The following DMD variants were observed in gnomAD, a reference collection of about 807,000 sequenced individuals.
DMD encodes the protein dystrophin.
A neutral mutation model predicts 330.1 loss-of-function variants in DMD; 63 were observed. The observed-to-expected ratio is 0.19, with a 90% CI of 0.16 to 0.24. The LOEUF is 0.24. Among genes scored for constraint, DMD ranks in the 10% least tolerant of loss-of-function variants. The pLI, the probability that DMD is intolerant of heterozygous loss-of-function variation, is 1.00. For synonymous variants in DMD, 1,223 were observed against 959.8 expected (o/e 1.27, Z -5.07); for missense variants, 3,344 against 2,684.1 (o/e 1.25, Z -5.43).
chrX:32,308,873 T>C (rs2097550395), intron 42 of DMD, among the ~76,000 whole-genome samples: 1 of 111,238 alleles, frequency 9.0e-6, no homozygotes, highest in African/African-American at 3.3e-5. Context: ...ACTTATTGAA[T>C]GACAATGATG....
rs556917557 is a variant in DMD at position 32,538,210 on chromosome X, T to G, written c.2168+6949A>C. 7.1e-5 allele frequency among the ~76,000 whole-genome samples: 8 copies of G among 112,402 alleles called. No homozygotes were observed. In the South Asian group the frequency reaches 3.0e-3, roughly 42 times the overall value. On this transcript the variant is annotated intron_variant, in intron 17 of 78. Coordinates refer to ENST00000357033, the MANE Select transcript of DMD (RefSeq NM_004006.3). Reference sequence around the variant, plus strand: ...CATCCTTTCCCCTATGACCTGCACCTTTACGTCCAGATGGCCTGAAGCAAC... The same window carrying G: ...CATCCTTTCCCCTATGACCTGCACCGTTACGTCCAGATGGCCTGAAGCAAC...
rs1187868218 is a variant in DMD at position 31,263,253 on chromosome X, A to G, written c.9225-2237T>C. On this transcript the variant is annotated intron_variant, in intron 62 of 78. Transcript: ENST00000357033. ...GGAATGGACTTCAAATTAGAGGAAC[A>G]TAGGCAAGAAATAAACCTGTACCAA... Among the ~76,000 whole-genome samples, 2 of 112,336 alleles carry G rather than the reference A, an allele frequency of 1.8e-5. 1 individual carries two copies. The highest frequency in any genetic ancestry group is 5.5e-4 in the East Asian group (2 of 3,605).
intron 1 of DMD, among the ~76,000 whole-genome samples, chrX:33,338,659 A>G (rs1180342331): frequency 9.0e-6 from 1 of 111,163 alleles, no homozygotes; most frequent in Non-Finnish European, 1.9e-5. Context: ...ATACAGTTCA[A>G]TAGCTGAAAC....
At chrX:32,155,650 C>G (rs745512584) in intron 44 of DMD, among the ~76,000 whole-genome samples, 125 of 111,436 alleles carry the variant, frequency 1.1e-3, no homozygotes, top group African/African-American at 4.0e-3. Flanking sequence ...GCATGTTTGT[C>G]TACAAAAAGA....
intron 1 of DMD, among the ~76,000 whole-genome samples, chrX:33,300,983 T>C (rs1336648324): frequency 1.8e-5 from 2 of 111,838 alleles, no homozygotes; most frequent in Admixed American, 1.9e-4. Flanking sequence ...TCAGGGACAA[T>C]GTATTTCTTA....
intron 52 of DMD, among the ~76,000 whole-genome samples, chrX:31,712,291 C>G (rs960661219): frequency 9.0e-6 from 1 of 111,046 alleles, no homozygotes; most frequent in Non-Finnish European, 1.9e-5. Flanking sequence ...TGTCAACCTA[C>G]TAAGTTATAG....
chrX:32,502,897 A>G (rs770992652), intron 18 of DMD, among the ~76,000 whole-genome samples: 207 of 111,709 alleles, frequency 1.9e-3, no homozygotes, highest in Non-Finnish European at 3.3e-3. Flanking sequence ...GATGGAAATG[A>G]TCTGTATCTG....
intron 40 of DMD, 158 bp downstream of exon 40, chrX:32,342,976 A>G (rs1252257558): frequency 1.8e-5 from 10 of 544,231 alleles, no homozygotes; most frequent in African/African-American, 4.6e-5. Flanking sequence ...AACACTTAAT[A>G]CAATACATTT....
At chrX:32,457,473 G>A (rs1439623845) in intron 25 of DMD, among the ~76,000 whole-genome samples, 1 of 110,859 alleles carries the variant, frequency 9.0e-6, no homozygotes, top group Non-Finnish European at 1.9e-5. Context: ...GATGTAGCGT[G>A]GAGAAGATGT....
intron 47 of DMD, among the ~76,000 whole-genome samples, chrX:31,889,274 G>A (rs1211269828): frequency 9.0e-6 from 1 of 111,463 alleles, no homozygotes; most frequent in Non-Finnish European, 1.9e-5. Flanking sequence ...TAATTTATTT[G>A]TTTGCAGTAT....
intron 13 of DMD, among the ~76,000 whole-genome samples, chrX:32,580,616 C>T (rs745669300): frequency 9.0e-6 from 1 of 111,092 alleles, no homozygotes; most frequent in African/African-American, 3.3e-5. Context: ...AGAGCTCAGT[C>T]GATAAAAAAA....
At chrX:32,086,547 G>C (rs557705393) in intron 44 of DMD, among the ~76,000 whole-genome samples, 1 of 111,187 alleles carries the variant, frequency 9.0e-6, no homozygotes, top group Admixed American at 9.6e-5. Flanking sequence ...TTGTTGGGTG[G>C]GGGGGAAGAA....
chrX:32,192,494 C>G (rs2096980484), intron 44 of DMD, among the ~76,000 whole-genome samples: 1 of 111,648 alleles, frequency 9.0e-6, no homozygotes, highest in Non-Finnish European at 1.9e-5. Context: ...TTGCTGCAGC[C>G]AGAAATTTAA....
chrX:32,844,774 A>G lies in DMD; in HGVS notation c.264+9T>C. The G allele has an allele frequency of 8.3e-7, 1 of 1,201,312 alleles. No individual in the cohort carries two copies. Among genetic ancestry groups the G allele is most frequent in the East Asian group, 3.0e-5 (1 of 33,784 alleles). On this transcript the variant is annotated intron_variant, in intron 4 of 78. Transcript: ENST00000357033. ...ACAGCATCCAGACCTTGTCCAGGGT[A>G]CTACTTACATTATTGTTCTGCAAAA...
intron 1 of DMD, among the ~76,000 whole-genome samples, chrX:33,037,207 A>G (rs904917748): frequency 2.1e-4 from 24 of 111,718 alleles, no homozygotes; most frequent in African/African-American, 7.8e-4. Context: ...CTCAAGTAAT[A>G]AGTAGTTTAC....
rs2053990751 is a variant in DMD at position 33,319,930 on chromosome X, C to T, written c.7+19329G>A. 5.4e-5 allele frequency among the ~76,000 whole-genome samples: 6 copies of T among 111,327 alleles called. No individual in the cohort carries two copies. In the Admixed American group the frequency reaches 5.7e-4, roughly 11 times the overall value. On this transcript the variant is annotated intron_variant, in intron 1 of 17. Coordinates refer to the DMD transcript ENST00000288447. ...GAAAAAGGTAAAATATATATATTTC[C>T]ACAGTTTACTTTATGCAAATGGAGT...
chrX:31,530,647 CTTTTTTTTT>C lies in DMD; in HGVS notation c.8218-23203_8218-23195del, dbSNP rs1192286078. 1.4e-4 allele frequency among the ~76,000 whole-genome samples: 7 copies of C among 49,819 alleles called. No individual in the cohort carries two copies. The South Asian group carries it at 5.9e-3, about 42-fold the overall frequency. The allele number at this position is 49,819 out of a possible 115,157, so 43.3% of individuals were successfully genotyped here. ...CCTAGATAATAGAGCACTGGTTTCT[CTTTTTTTTT>C]TTTTTTTTTTTTTAATTTTTTTTTT... On this transcript the variant is annotated intron_variant, in intron 55 of 78. Transcript: ENST00000357033.
chrX:31,625,426 A>C (rs1014817694), intron 55 of DMD, among the ~76,000 whole-genome samples: 9 of 111,717 alleles, frequency 8.1e-5, no homozygotes, highest in Admixed American at 2.9e-4. Flanking sequence ...AGTTATGTGT[A>C]ATATGTGCCT....
intron 52 of DMD, among the ~76,000 whole-genome samples, chrX:31,690,049 G>A (rs1456423159): frequency 4.6e-4 from 51 of 111,644 alleles, no homozygotes; most frequent in African/African-American, 1.3e-3. Flanking sequence ...CATTCAGGAC[G>A]TAGGCATGGG....
Sources: gnomAD v4.1 joint callset for allele counts (sites outside exome capture counted in the v4.1 genomes callset) on GRCh38, gnomAD v4.1.1 for gene constraint, MANE v1.5 for transcripts, NCBI Gene and HGNC (gene_info 2026-07-23, HGNC 2026-07-21) for gene names.